The following CEPT1 variants were observed in gnomAD, a reference collection of about 807,000 sequenced individuals.
CEPT1 encodes the protein choline/ethanolaminephosphotransferase 1.
Under a neutral mutation model 42.6 loss-of-function variants are expected in CEPT1, and 7 were observed. The ratio of observed to expected loss-of-function variants is 0.16; its 90% CI spans 0.09 to 0.31. CEPT1 has a LOEUF of 0.31. CEPT1 is among the 10% of genes least tolerant of loss of function. CEPT1 has a pLI of 1.00. For synonymous variants in CEPT1, 171 were observed against 171.9 expected, an observed-to-expected ratio of 0.99 and a Z score of 0.04; for missense variants, 306 against 502.1, an observed-to-expected ratio of 0.61 and a Z score of 3.73.
chr1:111,169,765 AT>A lies in CEPT1; in HGVS notation c.630-5111del, dbSNP rs1299198659. Among the ~76,000 whole-genome samples, 6 of 152,324 alleles carry A rather than the reference AT, an allele frequency of 3.9e-5. No homozygotes were observed. The East Asian group carries it at 1.2e-3, about 29-fold the overall frequency. On this transcript the variant is annotated intron_variant, in intron 4 of 8. Coordinates refer to ENST00000357172, the MANE Select transcript of CEPT1 (RefSeq NM_006090.5). ...AATAATTTGTTTCTAAGTGAATTTG[AT>A]TTATTAGCATGTAAACTATCTATAA...
intron 5 of CEPT1, chr1:111,181,320 T>C (rs1656972819): frequency 6.6e-6 from 1 of 152,168 alleles, no homozygotes; most frequent in South Asian, 2.1e-4. Flanking sequence ...TTGGACAAAA[T>C]TTGAGACCAA....
intron 5 of CEPT1, chr1:111,180,210 G>A (rs952929730): frequency 7.9e-5 from 12 of 152,146 alleles, no homozygotes; most frequent in Non-Finnish European, 1.5e-4. Context: ...CCCTGTAATA[G>A]AATAATGCTT....
upstream of CEPT1, chr1:111,140,182 C>G (rs1225902648): frequency 6.6e-6 from 1 of 152,288 alleles, no homozygotes; most frequent in Non-Finnish European, 1.5e-5. Flanking sequence ...TGCGGCGCTG[C>G]TCGTTCAAAC....
intron 4 of CEPT1, among the ~76,000 whole-genome samples, chr1:111,169,528 A>G (rs1166653634): frequency 6.6e-6 from 1 of 152,184 alleles, no homozygotes; most frequent in Non-Finnish European, 1.5e-5. Context: ...AATGTTTCTA[A>G]AAACTAATGC....
At chr1:111,165,124 A>G (rs1656077727) in intron 4 of CEPT1, among the ~76,000 whole-genome samples, 2 of 129,890 alleles carry the variant, frequency 1.5e-5, no homozygotes, top group South Asian at 2.4e-4. Flanking sequence ...ATCTCGACTC[A>G]CTGCAACCTC....
At chr1:111,153,885 T>G (rs1655415611) in intron 2 of CEPT1, among the ~76,000 whole-genome samples, 3 of 152,170 alleles carry the variant, frequency 2.0e-5, no homozygotes, top group African/African-American at 7.2e-5. Context: ...AGTCAGGTAG[T>G]GTGATGCCTC....
chr1:111,145,843 CAG>C (rs755405135), intron 1 of CEPT1, among the ~76,000 whole-genome samples: 90 of 152,318 alleles, frequency 5.9e-4, no homozygotes, highest in African/African-American at 2.0e-3. Flanking sequence ...CCACCCCAGA[CAG>C]GGGGGAACCT....
chr1:111,163,023 AAG>A (rs912250942), intron 4 of CEPT1, among the ~76,000 whole-genome samples: 15 of 152,272 alleles, frequency 9.9e-5, no homozygotes, highest in African/African-American at 3.4e-4. Flanking sequence ...ACTGAATAAA[AAG>A]AGGGAATGAT....
intron 2 of CEPT1, among the ~76,000 whole-genome samples, chr1:111,150,205 A>G (rs1655194378): frequency 2.0e-5 from 3 of 152,202 alleles, no homozygotes; most frequent in South Asian, 2.1e-4. Flanking sequence ...GTTGTTTTCT[A>G]TGACAAGCTG....
intron 2 of CEPT1, among the ~76,000 whole-genome samples, chr1:111,153,424 T>G (rs941547540): frequency 6.6e-6 from 1 of 152,144 alleles, no homozygotes; most frequent in African/African-American, 2.4e-5. Flanking sequence ...CCTCAGATAA[T>G]CCACCTGCCT....
At chr1:111,173,251 C>T (rs970191281) in intron 4 of CEPT1, 2 of 152,172 alleles carry the variant, frequency 1.3e-5, no homozygotes, top group Non-Finnish European at 2.9e-5. Flanking sequence ...GGCAACACCA[C>T]TCACCAGGTC....
chr1:111,184,070 A>C (rs1657129684), intron 8 of CEPT1, 121 bp from the exon 9 acceptor site: 1 of 1,030,170 alleles, frequency 9.7e-7, no homozygotes, highest in African/African-American at 1.6e-5. Context: ...TTGCAAGGAA[A>C]TTGAATTATT....
Position 111,174,918 on chromosome 1 carries a change from G to A in CEPT1, c.669G>A (p.Met223Ile). Residue 223 changes from methionine (M) to isoleucine (I), a missense_variant, in exon 5 of 9, where the codon ATG (methionine) becomes ATA (isoleucine). Transcript: ENST00000357172. Reference sequence around the variant, plus strand: ...AAGTGCAAATCTTCATAATAATCATGCATTTGCTGGCAGTGATTGGAGGAC... The same window carrying A: ...AAGTGCAAATCTTCATAATAATCATACATTTGCTGGCAGTGATTGGAGGAC... ...VTEVQIFIII[M>I]HLLAVIGGPP... 5.0e-6 allele frequency: 8 copies of A among 1,612,974 alleles called. No individual in the cohort carries two copies. Among genetic ancestry groups the A allele is most frequent in the Non-Finnish European group, 6.8e-6 (8 of 1,179,176 alleles).
chr1:111,169,208 G>C (rs1656297337), intron 4 of CEPT1, among the ~76,000 whole-genome samples: 1 of 152,226 alleles, frequency 6.6e-6, no homozygotes, highest in African/African-American at 2.4e-5. Flanking sequence ...ACTGTACTAA[G>C]AAGTGTATCG....
At position 111,159,411 on chromosome 1, in the gene CEPT1, G is replaced by C. The variant is rs761788366; in HGVS notation, c.371G>C (p.Cys124Ser). The change falls in exon 3 of 9, where the codon TGT (cysteine) becomes TCT (serine). Residue 124 changes from cysteine (C) to serine (S), a missense_variant. Around this residue, in one of 2 missense-constraint regions of CEPT1, gnomAD observed 253 missense variants for 447.3 expected, o/e 0.57. Coordinates refer to ENST00000357172, the MANE Select transcript of CEPT1 (RefSeq NM_006090.5). ...APLWAYIACA[C>S]GLFIYQSLDA... Reference sequence around the variant, plus strand: ...CTGTGGGCATATATTGCTTGTGCCTGTGGCCTTTTCATTTACCAGTCTTTG... The same window carrying C: ...CTGTGGGCATATATTGCTTGTGCCTCTGGCCTTTTCATTTACCAGTCTTTG... 2 of 1,612,588 alleles carry C rather than the reference G, an allele frequency of 1.2e-6. No homozygotes were observed. The highest frequency in any genetic ancestry group is 1.1e-5 in the South Asian group (1 of 90,774).
intron 3 of CEPT1, chr1:111,160,615 CTGCAGGAT>C (rs1439080607): frequency 2.6e-5 from 4 of 152,690 alleles, no homozygotes; most frequent in Non-Finnish European, 5.8e-5. Flanking sequence ...AACCAGCTGA[CTGCAGGAT>C]GGCAGGATGG....
At chr1:111,173,903 A>G (rs1479858524) in intron 4 of CEPT1, among the ~76,000 whole-genome samples, 1 of 152,156 alleles carries the variant, frequency 6.6e-6, no homozygotes, top group African/African-American at 2.4e-5. Context: ...GCTGTAAAAT[A>G]TTCTATTTTA....
intron 3 of CEPT1, chr1:111,159,879 T>C (rs1373325742): frequency 6.0e-6 from 1 of 167,064 alleles, no homozygotes; most frequent in Non-Finnish European, 1.3e-5. Context: ...ATGAATGTTA[T>C]GTAGACATTC....
At chr1:111,169,315 T>A (rs904285349) in intron 4 of CEPT1, among the ~76,000 whole-genome samples, 17 of 152,206 alleles carry the variant, frequency 1.1e-4, no homozygotes, top group Non-Finnish European at 2.1e-4. Flanking sequence ...AGATTTATAA[T>A]TTTTGATAGC....
Sources: allele counts gnomAD v4.1 joint callset (sites outside exome capture counted in the v4.1 genomes callset), GRCh38; gene constraint gnomAD v4.1.1; regional missense constraint gnomAD v4.1.1; transcripts MANE v1.5; gene names NCBI Gene and HGNC (gene_info 2026-07-23, HGNC 2026-07-21).